OR51E2: variants seen among roughly 807,000 people sequenced by gnomAD.
OR51E2 encodes the protein olfactory receptor 51E2.
Under a neutral mutation model 13.7 loss-of-function variants are expected in OR51E2, and 14 were observed. The observed-to-expected ratio is 1.02, with a 90% CI of 0.68 to 1.60. OR51E2 has a LOEUF of 1.60. OR51E2 is among the 40% of genes most tolerant of loss of function. The probability of loss-of-function intolerance (pLI) is 0.00; values close to 1 mark genes in which losing one functional copy is unlikely to be tolerated. For missense variants in OR51E2, 483 were observed against 413.8 expected (o/e 1.17, Z -1.45); for synonymous variants, 180 against 157.6 (o/e 1.14, Z -1.07).
At chr11:4,684,673 G>A (rs867663854) in intron 1 of OR51E2, among the ~76,000 whole-genome samples, 2 of 152,102 alleles carry the variant, frequency 1.3e-5, no homozygotes, top group South Asian at 4.1e-4. Flanking sequence ...CCCTCTCTCT[G>A]CAGAGCATAT....
intron 1 of OR51E2, among the ~76,000 whole-genome samples, chr11:4,696,877 C>G (rs187205417): frequency 2.0e-5 from 3 of 152,284 alleles, no homozygotes; most frequent in Admixed American, 2.0e-4. Flanking sequence ...AATGGTATGG[C>G]TATCATGTGT....
At position 4,681,788 on chromosome 11, in the gene OR51E2, G is replaced by C. The variant is rs566109280; in HGVS notation, c.924C>G (p.Ile308Met). The change falls in exon 2 of 2, where the codon ATC (isoleucine) becomes ATG (methionine). Residue 308 changes from isoleucine to methionine, a missense_variant. Physicochemically the swap from Ile to Met is conservative, Grantham distance 10. Transcript: ENST00000396950. ...CAGCCTGCAAGTCCTTGTCACAGCT[G>C]ATCTTGAACATAGCCAGCACCCGTG... ...IRTRVLAMFK[I>M]SCDKDLQAVG... The C allele has an allele frequency of 3.7e-6, 6 of 1,614,212 alleles. No individual in the cohort carries two copies. The highest frequency in any genetic ancestry group is 8.5e-7 in the Non-Finnish European group (1 of 1,180,022).
intron 1 of OR51E2, chr11:4,691,772 C>A (rs758615196): frequency 9.5e-5 from 30 of 317,234 alleles, no homozygotes; most frequent in Non-Finnish European, 1.2e-4. Context: ...GTGTATTGAT[C>A]GAATTAAAAT....
chr11:4,690,594 T>G (rs949470472), intron 1 of OR51E2: 8 of 258,566 alleles, frequency 3.1e-5, no homozygotes, highest in Admixed American at 1.5e-4. Context: ...AATAAAGTAG[T>G]CAAACTAGCT....
At chr11:4,695,090 G>A (rs912639256) in intron 1 of OR51E2, among the ~76,000 whole-genome samples, 2 of 152,168 alleles carry the variant, frequency 1.3e-5, no homozygotes, top group African/African-American at 2.4e-5. Flanking sequence ...AATGAAGCTA[G>A]AGAAAGCACC....
At chr11:4,691,249 T>C (rs775242346) in intron 1 of OR51E2, 6 of 456,836 alleles carry the variant, frequency 1.3e-5, no homozygotes, top group East Asian at 1.4e-4. Flanking sequence ...AGCCCCCTGA[T>C]GACACTTGCC....
chr11:4,695,542 G>C (rs1432288017), intron 1 of OR51E2, among the ~76,000 whole-genome samples: 1 of 152,100 alleles, frequency 6.6e-6, no homozygotes, highest in African/African-American at 2.4e-5. Flanking sequence ...AATTCCTTTG[G>C]AGAACAGTCT....
At chr11:4,688,156 CAT>C (rs1271511387) in intron 1 of OR51E2, among the ~76,000 whole-genome samples, 6 of 151,928 alleles carry the variant, frequency 3.9e-5, no homozygotes, top group African/African-American at 9.7e-5. Context: ...AAATAAATAA[CAT>C]ATATGTGATA....
chr11:4,687,730 G>C (rs1847531844), intron 1 of OR51E2, among the ~76,000 whole-genome samples: 1 of 152,148 alleles, frequency 6.6e-6, no homozygotes. Flanking sequence ...GTTGTGGGGA[G>C]AATGGTGACA....
At chr11:4,686,347 G>A (rs1043412275) in intron 1 of OR51E2, among the ~76,000 whole-genome samples, 7 of 152,212 alleles carry the variant, frequency 4.6e-5, no homozygotes, top group Non-Finnish European at 2.9e-5. Flanking sequence ...ATTACGAAGA[G>A]TTGTAGCTTG....
Position 4,681,921 on chromosome 11 carries a change from C to A in OR51E2, c.791G>T (p.Gly264Val). Residue 264 changes from glycine to valine, a missense_variant, in exon 2 of 2, where the codon GGA becomes GTA. Transcript: ENST00000396950. ...ACGCACAATGGGATGAAGGCTGTTT[C>A]CAAAGCGGTGTACCACTGAGAGGCC... ...LIGLSVVHRF[G>V]NSLHPIVRVV... is the part of the protein sequence containing the mutation. 6.2e-7 allele frequency: 1 copy of A among 1,614,040 alleles called. No homozygotes were observed. Among genetic ancestry groups the A allele is most frequent in the Non-Finnish European group, 8.5e-7 (1 of 1,179,940 alleles).
At chr11:4,690,028 T>C (rs1014076153) in intron 1 of OR51E2, among the ~76,000 whole-genome samples, 4 of 147,890 alleles carry the variant, frequency 2.7e-5, no homozygotes, top group Non-Finnish European at 6.0e-5. Flanking sequence ...TATAAGTTTA[T>C]ATATATAAGT....
At chr11:4,687,240 G>A (rs1409718851) in intron 1 of OR51E2, among the ~76,000 whole-genome samples, 2 of 152,096 alleles carry the variant, frequency 1.3e-5, no homozygotes, top group Non-Finnish European at 2.9e-5. Context: ...ATCTGCAGGG[G>A]TACGTATTAG....
chr11:4,691,359 G>A lies in OR51E2; in HGVS notation c.-51+6294C>T, dbSNP rs753108081. 1.6e-4 allele frequency: 73 copies of A among 457,900 alleles called. No homozygotes were observed. In the Middle Eastern group the frequency reaches 2.9e-3, roughly 18 times the overall value. 28.4% of individuals were successfully genotyped at this position (457,900 alleles called of 1,614,324 possible). On this transcript the variant is annotated intron_variant, in intron 1 of 1. Transcript: ENST00000396950. The stretch of plus-strand genomic sequence containing the variant: ...ATCAAAAGCCATGGCCAACAGCACT[G>A]AGGATTCCATGACAGTGAAGAATTT...
chr11:4,687,459 C>T (rs890775578), intron 1 of OR51E2, among the ~76,000 whole-genome samples: 1 of 152,146 alleles, frequency 6.6e-6, no homozygotes, highest in South Asian at 2.1e-4. Context: ...ACGTTTTATA[C>T]TAAATGGCAG....
chr11:4,683,767 T>C (rs1847484269), intron 1 of OR51E2, among the ~76,000 whole-genome samples: 1 of 152,214 alleles, frequency 6.6e-6, no homozygotes, highest in Non-Finnish European at 1.5e-5. Context: ...TTGCCCCAAC[T>C]CCCTACCCTC....
chr11:4,690,862 T>C, intron 1 of OR51E2: 1 of 456,470 alleles, frequency 2.2e-6, no homozygotes, highest in Non-Finnish European at 4.4e-6. Flanking sequence ...AGCAGGTAGG[T>C]GTTAGCAATC....
At chr11:4,690,044 T>C (rs1459802483) in intron 1 of OR51E2, among the ~76,000 whole-genome samples, 1 of 147,964 alleles carries the variant, frequency 6.8e-6, no homozygotes. Flanking sequence ...TAAGTTCATA[T>C]AATTTTTACA....
intron 1 of OR51E2, among the ~76,000 whole-genome samples, chr11:4,685,499 T>C (rs78397200): frequency 0.068 from 10,325 of 152,254 alleles, 433 homozygotes; most frequent in Non-Finnish European, 0.099. Flanking sequence ...TACAAAAGTA[T>C]AGTTCCATAA....
Sources: allele counts gnomAD v4.1 joint callset (sites outside exome capture counted in the v4.1 genomes callset), GRCh38; gene constraint gnomAD v4.1.1; transcripts MANE v1.5; gene names NCBI Gene and HGNC (gene_info 2026-07-23, HGNC 2026-07-21).